The following YEATS2 variants were observed in gnomAD, a reference collection of about 807,000 sequenced individuals.
YEATS2 encodes YEATS domain-containing protein 2.
In YEATS2, 77 loss-of-function variants were observed where a neutral mutation model predicts 163.2. The ratio of observed to expected loss-of-function variants is 0.47; its 90% CI spans 0.39 to 0.57. The LOEUF is 0.57. YEATS2 is among the 20% of genes least tolerant of loss of function. The probability of loss-of-function intolerance (pLI) is 0.00; values close to 1 mark genes in which losing one functional copy is unlikely to be tolerated. For missense variants in YEATS2, 1,549 were observed against 1,729.8 expected (o/e 0.90, Z 1.85); for synonymous variants, 631 against 645.1 (o/e 0.98, Z 0.33).
intron 21 of YEATS2, 143 bp downstream of exon 21, chr3:183,791,123 T>C (rs1724592439): frequency 6.9e-6 from 8 of 1,163,974 alleles, no homozygotes; most frequent in Non-Finnish European, 8.3e-6. Context: ...AACCTCTGCC[T>C]TCCAGGCTCA....
Position 183,697,868 on chromosome 3 carries a change from G to A in YEATS2, c.-145G>A, listed in dbSNP as rs1713633146. On this transcript the variant is annotated 5_prime_UTR_variant, in exon 1 of 31. Transcript: ENST00000305135. ...TCCACCGCGCCGTGTGCTTCCGCAG[G>A]TTGCGGGGGTCGCTGGGGCCTTGTG... is the stretch of plus-strand genomic sequence containing the variant. 6.6e-6 allele frequency: 1 copy of A among 151,402 alleles called. No individual in the cohort carries two copies. The highest frequency in any genetic ancestry group is 6.6e-5 in the Admixed American group (1 of 15,196). The allele number at this position is 151,402 out of a possible 1,614,324, so 9.4% of individuals were successfully genotyped here.
intron 18 of YEATS2, among the ~76,000 whole-genome samples, chr3:183,776,428 C>A (rs1723006988): frequency 6.6e-6 from 1 of 151,966 alleles, no homozygotes; most frequent in Non-Finnish European, 1.5e-5. Context: ...TCTACAGTCC[C>A]AGCTACTCCG....
chr3:183,791,342 T>C (rs1349260535), intron 21 of YEATS2, among the ~76,000 whole-genome samples: 2 of 152,232 alleles, frequency 1.3e-5, no homozygotes, highest in Non-Finnish European at 2.9e-5. Context: ...GCTATTTTTT[T>C]GGAGGGTCTT....
In YEATS2 at chr3:183,773,251, T is replaced by C. The variant is rs1336499627; in HGVS notation, c.2207-382T>C. 3.3e-5 allele frequency among the ~76,000 whole-genome samples: 5 copies of C among 152,282 alleles called. No individual in the cohort carries two copies. The East Asian group carries it at 9.7e-4, about 29-fold the overall frequency. On this transcript the variant is annotated intron_variant, in intron 16 of 30. Coordinates refer to ENST00000305135, the MANE Select transcript of YEATS2 (RefSeq NM_018023.5). Reference sequence around the variant, plus strand: ...GACTTTAAACAAATGGGGGAAAATATGTAATCCTCCATAGACAGGGTGATT... The same window carrying C: ...GACTTTAAACAAATGGGGGAAAATACGTAATCCTCCATAGACAGGGTGATT...
At chr3:183,757,560 G>A (rs1215075588) in intron 12 of YEATS2, among the ~76,000 whole-genome samples, 1 of 152,072 alleles carries the variant, frequency 6.6e-6, no homozygotes, top group South Asian at 2.1e-4. Context: ...ATTTACAGGC[G>A]TGAGCTACCA....
At chr3:183,803,959 G>T (rs1391111401) in intron 26 of YEATS2, 28 bp from the exon 27 acceptor site, 1 of 1,610,440 alleles carries the variant, frequency 6.2e-7, no homozygotes, top group East Asian at 2.2e-5. Context: ...ATTTGATTAT[G>T]GTTCCAAAAG....
intron 2 of YEATS2, among the ~76,000 whole-genome samples, chr3:183,715,530 A>G (rs2109025796): frequency 6.6e-6 from 1 of 152,320 alleles, no homozygotes; most frequent in South Asian, 2.1e-4. Context: ...GTGTAATCAT[A>G]AAGTCTATGA....
At chr3:183,797,795 C>T (rs891192628) in intron 21 of YEATS2, 128 bp from the exon 22 acceptor site, 17 of 1,175,836 alleles carry the variant, frequency 1.4e-5, no homozygotes, top group African/African-American at 6.2e-5. Context: ...GCTTCTTGCT[C>T]TTTGTTTACT....
intron 2 of YEATS2, among the ~76,000 whole-genome samples, chr3:183,715,765 A>G (rs1011480966): frequency 2.6e-5 from 4 of 152,298 alleles, no homozygotes; most frequent in East Asian, 3.9e-4. Flanking sequence ...AGGCATATGA[A>G]TGGTAGAAGA....
intron 15 of YEATS2, among the ~76,000 whole-genome samples, chr3:183,766,949 A>G (rs888513282): frequency 6.6e-6 from 1 of 151,884 alleles, no homozygotes; most frequent in Admixed American, 6.6e-5. Context: ...TGTTGGGGTT[A>G]TAAGCATGAG....
chr3:183,807,682 T>C (rs1159476782), intron 28 of YEATS2: 2 of 235,442 alleles, frequency 8.5e-6, no homozygotes, highest in Non-Finnish European at 8.3e-6. Context: ...AAGATGCAGT[T>C]TCCAAGTGCA....
intron 7 of YEATS2, among the ~76,000 whole-genome samples, chr3:183,734,520 G>C (rs1396626069): frequency 6.6e-6 from 1 of 152,214 alleles, no homozygotes; most frequent in Non-Finnish European, 1.5e-5. Flanking sequence ...TACTGCTGTT[G>C]TGAGGAACAG....
chr3:183,722,944 G>A (rs900837020), intron 5 of YEATS2, among the ~76,000 whole-genome samples: 5 of 152,204 alleles, frequency 3.3e-5, no homozygotes, highest in Admixed American at 1.3e-4. Flanking sequence ...GAGCCACCGC[G>A]CCCGACTTAA....
At chr3:183,729,140 C>T (rs1038159041) in intron 7 of YEATS2, among the ~76,000 whole-genome samples, 22 of 152,164 alleles carry the variant, frequency 1.4e-4, no homozygotes, top group Non-Finnish European at 2.8e-4. Flanking sequence ...GGCGTGGTGG[C>T]GGGCGCCTGT....
At chr3:183,793,076 A>C in intron 21 of YEATS2, 1 of 1,183,648 alleles carries the variant, frequency 8.4e-7, no homozygotes, top group Non-Finnish European at 1.1e-6. Flanking sequence ...AGCACTATCG[A>C]ACTGTTAAAG....
In YEATS2 at chr3:183,801,499, TA is replaced by T; in HGVS notation, c.3476del (p.Lys1159ArgfsTer5). 6.2e-7 allele frequency: 1 copy of T among 1,611,212 alleles called. No individual in the cohort carries two copies. The highest frequency in any genetic ancestry group is 8.5e-7 in the Non-Finnish European group (1 of 1,178,650). ...ETIQQLLTAV[V>X]KKIPLITAKS... ...ATCCAGCAACTCCTAACTGCAGTAG[TA>T]AAGAAGATTCCATTAATCACTGCAA... On this transcript the variant is annotated frameshift_variant, in exon 25 of 31. Coordinates refer to ENST00000305135, the MANE Select transcript of YEATS2 (RefSeq NM_018023.5). LOFTEE classifies it high-confidence loss of function.
chr3:183,737,763 G>A (rs1005043618), intron 8 of YEATS2, among the ~76,000 whole-genome samples: 10 of 152,182 alleles, frequency 6.6e-5, no homozygotes, highest in Admixed American at 2.0e-4. Context: ...CTTATGAAGT[G>A]TTGTCTTTCC....
At chr3:183,747,764 T>C (rs772811509) in intron 9 of YEATS2, 48 bp downstream of exon 9, 3 of 1,562,150 alleles carry the variant, frequency 1.9e-6, no homozygotes, top group Non-Finnish European at 2.6e-6. Context: ...AGGATGAAAA[T>C]TGATCTTCAT....
At chr3:183,719,605 G>T (rs1319526924) in intron 4 of YEATS2, among the ~76,000 whole-genome samples, 1 of 152,138 alleles carries the variant, frequency 6.6e-6, no homozygotes, top group Non-Finnish European at 1.5e-5. Context: ...TTTTAGTCTA[G>T]TGAATGGCAA....
Sources: gnomAD v4.1 joint callset for allele counts (sites outside exome capture counted in the v4.1 genomes callset) on GRCh38, gnomAD v4.1.1 for gene constraint, MANE v1.5 for transcripts, NCBI Gene and HGNC (gene_info 2026-07-23, HGNC 2026-07-21) for gene names.